Variants in DMD observed in about 807,000 individuals in gnomAD.
The protein encoded by DMD is dystrophin, also known as mutant dystrophin.
In DMD, 63 loss-of-function variants were observed where a neutral mutation model predicts 330.1. That is an observed-to-expected ratio of 0.19 (90% CI 0.16 to 0.24). The LOEUF (loss-of-function observed/expected upper bound fraction) is 0.24, where lower values mean the gene tolerates loss of function less well. Ranked by LOEUF, DMD falls within the 10% of genes least tolerant of loss-of-function variation. The pLI is 1.00. For missense variants in DMD, 3,344 were observed against 2,684.1 expected (o/e 1.25, Z -5.43); for synonymous variants, 1,223 against 959.8 (o/e 1.27, Z -5.07).
At chrX:31,676,459 A>T (rs1028912772) in intron 53 of DMD, among the ~76,000 whole-genome samples, 8 of 111,671 alleles carry the variant, frequency 7.2e-5, no homozygotes, top group African/African-American at 9.7e-5. Flanking sequence ...ATAATATGAA[A>T]TTTTTTTTCG....
chrX:32,640,568 A>T (rs180727635), intron 11 of DMD, among the ~76,000 whole-genome samples: 1,374 of 111,156 alleles, frequency 0.012, 19 homozygotes, highest in African/African-American at 0.042. Context: ...TGTGGGCACA[A>T]ATTGAAGCAG....
At chrX:31,456,876 G>GTGTATA (rs752346201) in intron 59 of DMD, among the ~76,000 whole-genome samples, 26 of 68,723 alleles carry the variant, frequency 3.8e-4, no homozygotes, top group East Asian at 8.8e-4. Context: ...GTGTGTGTGT[G>GTGTATA]TATATATATA....
At position 32,816,777 on chromosome X, in the gene DMD, T is replaced by A. The variant is rs143546960; in HGVS notation, c.358-137A>T. On this transcript the variant is annotated intron_variant, in intron 5 of 78. Coordinates refer to ENST00000357033, the MANE Select transcript of DMD (RefSeq NM_004006.3). ...ATTAGTAATGAGACATAATAGATTC[T>A]ACCAGAAGTTAAGTCTATTCTCAAA... is the stretch of plus-strand genomic sequence containing the variant. 1.2e-3 allele frequency: 696 copies of A among 572,122 alleles called. 11 individuals carry two copies. The East Asian group carries it at 0.025, about 20-fold the overall frequency. The allele number at this position is 572,122 out of a possible 1,213,427, so 47.1% of individuals were successfully genotyped here.
At chrX:32,998,368 C>CAAAAAA in intron 2 of DMD, among the ~76,000 whole-genome samples, 1 of 34,684 alleles carries the variant, frequency 2.9e-5, no homozygotes, top group Non-Finnish European at 5.5e-5. Context: ...GACCCAGTGT[C>CAAAAAA]AAAAAAAAAA....
intron 28 of DMD, among the ~76,000 whole-genome samples, chrX:32,439,960 T>C (rs754120460): frequency 1.8e-5 from 2 of 111,185 alleles, no homozygotes; most frequent in Non-Finnish European, 3.8e-5. Context: ...CCATCTTTTC[T>C]AAATGCTCTT....
chrX:32,666,977 TCATTGAAG>T lies in DMD; in HGVS notation c.961-21833_961-21826del, dbSNP rs774841444. Among the ~76,000 whole-genome samples the T allele has an allele frequency of 4.5e-5, 5 of 111,343 alleles. No individual in the cohort carries two copies. The South Asian group carries it at 1.9e-3, about 42-fold the overall frequency. Reference sequence around the variant, plus strand: ...TGTAAAGATATCCGGGCTTCTATGCTCATTGAAGCATTGTTCACAGTAGCCAAGATATG... The same window carrying T: ...TGTAAAGATATCCGGGCTTCTATGCTCATTGTTCACAGTAGCCAAGATATG... On this transcript the variant is annotated intron_variant, in intron 9 of 78. Coordinates refer to ENST00000357033, the MANE Select transcript of DMD (RefSeq NM_004006.3).
intron 6 of DMD, among the ~76,000 whole-genome samples, chrX:32,813,629 TG>T (rs1218024444): frequency 8.9e-6 from 1 of 111,875 alleles, no homozygotes; most frequent in African/African-American, 3.2e-5. Context: ...AGAAGAGTGA[TG>T]TATTTTCAAT....
At chrX:31,545,504 T>C (rs778517041) in intron 55 of DMD, among the ~76,000 whole-genome samples, 2 of 112,658 alleles carry the variant, frequency 1.8e-5, no homozygotes, top group Non-Finnish European at 3.7e-5. Flanking sequence ...TTTCTCATCA[T>C]AATTTTTGAA....
chrX:31,382,928 C>G (rs1272394974), intron 60 of DMD, among the ~76,000 whole-genome samples: 1 of 111,855 alleles, frequency 8.9e-6, no homozygotes, highest in Non-Finnish European at 1.9e-5. Context: ...TGTCAGGCCT[C>G]TGAGCCCAAG....
At chrX:31,348,158 G>A (rs915169900) in intron 61 of DMD, 2 of 197,793 alleles carry the variant, frequency 1.0e-5, no homozygotes, top group African/African-American at 6.0e-5. Flanking sequence ...GAACTGAACT[G>A]ATAGGCAGAA....
intron 44 of DMD, among the ~76,000 whole-genome samples, chrX:32,168,543 A>T (rs1326913622): frequency 1.4e-5 from 1 of 73,128 alleles, no homozygotes; most frequent in Non-Finnish European, 2.3e-5. Context: ...ACAGTTATAA[A>T]AAAAAAAAAA....
chrX:31,394,379 C>T (rs1375164024), intron 60 of DMD, among the ~76,000 whole-genome samples: 1 of 112,546 alleles, frequency 8.9e-6, no homozygotes, highest in Non-Finnish European at 1.9e-5. Context: ...CCATTGATAG[C>T]ATTTGAAATT....
chrX:31,252,035 G>A (rs1195123090), intron 63 of DMD, among the ~76,000 whole-genome samples: 1 of 112,102 alleles, frequency 8.9e-6, no homozygotes, highest in Non-Finnish European at 1.9e-5. Context: ...TCAATTAGAA[G>A]CTTTAAATCA....
At chrX:32,476,501 G>GA (rs1174286852) in intron 21 of DMD, among the ~76,000 whole-genome samples, 134 of 108,609 alleles carry the variant, frequency 1.2e-3, no homozygotes, top group Middle Eastern at 4.7e-3. Context: ...AGGCAAGCTG[G>GA]AAAAAAAAAT....
At chrX:32,670,151 AGTT>A (rs1466293635) in intron 9 of DMD, among the ~76,000 whole-genome samples, 2 of 111,583 alleles carry the variant, frequency 1.8e-5, no homozygotes, top group Non-Finnish European at 3.8e-5. Flanking sequence ...TTATATGAAA[AGTT>A]ATTATACTTC....
At chrX:33,079,105 A>G (rs1603244306) in intron 1 of DMD, among the ~76,000 whole-genome samples, 1 of 111,370 alleles carries the variant, frequency 9.0e-6, no homozygotes, top group East Asian at 2.8e-4. Flanking sequence ...ATCTTGGCTC[A>G]CCGCAACCTC....
At chrX:33,010,048 G>T (rs1384166855) in intron 2 of DMD, among the ~76,000 whole-genome samples, 1 of 44,888 alleles carries the variant, frequency 2.2e-5, no homozygotes, top group Non-Finnish European at 6.3e-5. Context: ...ATACACATGT[G>T]TATATATACG....
chrX:32,295,242 C>T (rs762257722), intron 42 of DMD, among the ~76,000 whole-genome samples: 8 of 111,701 alleles, frequency 7.2e-5, no homozygotes, highest in Non-Finnish European at 1.3e-4. Context: ...TTATACAACT[C>T]GAGTCCTTAA....
intron 1 of DMD, among the ~76,000 whole-genome samples, chrX:33,020,652 C>CT (rs1171046070): frequency 9.0e-6 from 1 of 111,323 alleles, no homozygotes; most frequent in Admixed American, 9.6e-5. Flanking sequence ...CCAGCGTGGG[C>CT]GACAGAGCAA....
Sources: gnomAD v4.1 joint callset for allele counts (sites outside exome capture counted in the v4.1 genomes callset) on GRCh38, gnomAD v4.1.1 for gene constraint, MANE v1.5 for transcripts, NCBI Gene and HGNC (gene_info 2026-07-23, HGNC 2026-07-21) for gene names.